The following B3GALT1 variants were observed in gnomAD, a reference collection of about 807,000 sequenced individuals.
B3GALT1 encodes the protein beta-1,3-galactosyltransferase 1, also known as UDP-Gal:betaGlcNAc beta 1,3-galactosyltransferase, polypeptide 1.
Under a neutral mutation model 23.2 loss-of-function variants are expected in B3GALT1, and 10 were observed. The ratio of observed to expected loss-of-function variants is 0.43; its 90% CI spans 0.27 to 0.73. The LOEUF (loss-of-function observed/expected upper bound fraction) is 0.73, where lower values mean the gene tolerates loss of function less well. Ranked by LOEUF, B3GALT1 falls within the 30% of genes least tolerant of loss-of-function variation. The pLI is 0.21. For missense variants in B3GALT1, 299 were observed against 405.4 expected (o/e 0.74, Z 2.25); for synonymous variants, 156 against 141.5 (o/e 1.10, Z -0.73).
At chr2:167,611,657 T>C (rs1685068757) in intron 2 of B3GALT1, among the ~76,000 whole-genome samples, 2 of 152,022 alleles carry the variant, frequency 1.3e-5, no homozygotes, top group Admixed American at 1.3e-4. Flanking sequence ...GGGGTATATC[T>C]GTGAGTATTT....
At chr2:167,409,551 A>T (rs112436534) in intron 1 of B3GALT1, among the ~76,000 whole-genome samples, 15,103 of 151,510 alleles carry the variant, frequency 0.1, 1,021 homozygotes, top group East Asian at 0.24. Context: ...TTGGCTGTTG[A>T]TACTTGTGTA....
chr2:167,580,911 G>A (rs539190288), intron 2 of B3GALT1, among the ~76,000 whole-genome samples: 1 of 152,158 alleles, frequency 6.6e-6, no homozygotes, highest in Admixed American at 6.6e-5. Flanking sequence ...ACACTGATAT[G>A]TGTTCACTAC....
intron 3 of B3GALT1, among the ~76,000 whole-genome samples, chr2:167,807,778 G>A (rs1170163534): frequency 1.3e-5 from 2 of 152,206 alleles, no homozygotes; most frequent in Non-Finnish European, 1.5e-5. Context: ...GTGCTGAGAA[G>A]AATGTATATT....
chr2:167,449,527 A>G (rs1450593489), intron 1 of B3GALT1, among the ~76,000 whole-genome samples: 1 of 152,206 alleles, frequency 6.6e-6, no homozygotes, highest in Non-Finnish European at 1.5e-5. Context: ...ATATATGATC[A>G]TATCATCAGC....
intron 2 of B3GALT1, among the ~76,000 whole-genome samples, chr2:167,585,329 G>A (rs1684569054): frequency 6.6e-6 from 1 of 152,054 alleles, no homozygotes; most frequent in Admixed American, 6.5e-5. Flanking sequence ...TTATATGTTG[G>A]TCCCAGAAAT....
chr2:167,360,632 G>C, intron 1 of B3GALT1, among the ~76,000 whole-genome samples: 1 of 152,088 alleles, frequency 6.6e-6, no homozygotes, highest in African/African-American at 2.4e-5. Context: ...TACATATTTT[G>C]GGGGTACACG....
At chr2:167,675,935 G>A (rs1686416824) in intron 3 of B3GALT1, among the ~76,000 whole-genome samples, 1 of 150,894 alleles carries the variant, frequency 6.6e-6, no homozygotes, top group South Asian at 2.1e-4. Flanking sequence ...TCTCCATTTT[G>A]GTGACTACCA....
chr2:167,856,933 A>C (rs902948724), intron 4 of B3GALT1, among the ~76,000 whole-genome samples: 2 of 152,156 alleles, frequency 1.3e-5, no homozygotes, highest in African/African-American at 4.8e-5. Flanking sequence ...AAAAACACAG[A>C]ATATAAAAGA....
intron 1 of B3GALT1, among the ~76,000 whole-genome samples, chr2:167,395,176 G>A (rs1479501121): frequency 6.6e-6 from 1 of 152,044 alleles, no homozygotes; most frequent in African/African-American, 2.4e-5. Flanking sequence ...ATAAATCTTT[G>A]AGGGCCAGCA....
intron 1 of B3GALT1, among the ~76,000 whole-genome samples, chr2:167,384,624 A>G (rs1208368095): frequency 6.6e-6 from 1 of 152,094 alleles, no homozygotes; most frequent in East Asian, 1.9e-4. Flanking sequence ...GGGTTCCTCC[A>G]GAATGTCTAT....
chr2:167,711,038 T>C (rs1472855267), intron 3 of B3GALT1, among the ~76,000 whole-genome samples: 1 of 152,060 alleles, frequency 6.6e-6, no homozygotes, highest in Non-Finnish European at 1.5e-5. Context: ...ATGATCCCTC[T>C]CTCCCCACTC....
chr2:167,822,845 C>T (rs914722323), intron 4 of B3GALT1, among the ~76,000 whole-genome samples: 4 of 152,326 alleles, frequency 2.6e-5, no homozygotes, highest in South Asian at 2.1e-4. Context: ...AATCTTACAG[C>T]ATCTCTCTGC....
intron 1 of B3GALT1, among the ~76,000 whole-genome samples, chr2:167,343,139 C>T (rs1350319098): frequency 6.6e-6 from 1 of 152,068 alleles, no homozygotes; most frequent in African/African-American, 2.4e-5. Flanking sequence ...TGAATCTTAA[C>T]ACTTTAAGTG....
intron 3 of B3GALT1, among the ~76,000 whole-genome samples, chr2:167,648,342 A>AT (rs1234110481): frequency 1.3e-5 from 2 of 151,230 alleles, no homozygotes; most frequent in Non-Finnish European, 3.0e-5. Context: ...TCCAAACTCA[A>AT]TTTTTTTTTC....
chr2:167,390,618 A>G lies in B3GALT1; in HGVS notation c.-511+97284A>G, dbSNP rs189174939. On this transcript the variant is annotated intron_variant, in intron 1 of 4. Transcript: ENST00000392690. ...TCTCCCTATCTTAGCCCTCCTACCC[A>G]GATCCTGGACAAAACGCAGGAATCT... Among the ~76,000 whole-genome samples, 4 of 152,286 alleles carry G rather than the reference A, an allele frequency of 2.6e-5. No individual in the cohort carries two copies. In the East Asian group the frequency reaches 7.7e-4, roughly 29 times the overall value.
intron 1 of B3GALT1, among the ~76,000 whole-genome samples, chr2:167,353,657 C>A (rs1268494889): frequency 6.6e-6 from 1 of 151,980 alleles, no homozygotes; most frequent in African/African-American, 2.4e-5. Flanking sequence ...ATTGCAGAAT[C>A]CTAGTATGTT....
chr2:167,322,377 A>G (rs921536135), intron 1 of B3GALT1, among the ~76,000 whole-genome samples: 6 of 151,706 alleles, frequency 4.0e-5, no homozygotes, highest in Non-Finnish European at 8.8e-5. Flanking sequence ...TAATTATTTT[A>G]TAATTATTGA....
intron 1 of B3GALT1, among the ~76,000 whole-genome samples, chr2:167,419,706 T>C (rs1056530627): frequency 6.6e-6 from 1 of 152,214 alleles, no homozygotes; most frequent in African/African-American, 2.4e-5. Flanking sequence ...AAGAATCATC[T>C]GATAGTCTCT....
At chr2:167,570,886 A>G (rs1328465675) in intron 2 of B3GALT1, among the ~76,000 whole-genome samples, 1 of 151,996 alleles carries the variant, frequency 6.6e-6, no homozygotes, top group Non-Finnish European at 1.5e-5. Flanking sequence ...TGAGGACATC[A>G]TGCAGTTAAA....
Sources: gnomAD v4.1 joint callset for allele counts (sites outside exome capture counted in the v4.1 genomes callset) on GRCh38, gnomAD v4.1.1 for gene constraint, MANE v1.5 for transcripts, NCBI Gene and HGNC (gene_info 2026-07-23, HGNC 2026-07-21) for gene names.